Variants in NASP observed in about 807,000 individuals in gnomAD.
NASP encodes NASP histone chaperone.
A neutral mutation model predicts 89.5 loss-of-function variants in NASP; 24 were observed. The observed-to-expected ratio is 0.27, with a 90% CI of 0.19 to 0.38. NASP has a LOEUF of 0.38. NASP is among the 10% of genes least tolerant of loss of function. NASP has a pLI of 1.00. For synonymous variants in NASP, 306 were observed against 324.7 expected, an observed-to-expected ratio of 0.94 and a Z score of 0.62; for missense variants, 848 against 921.4, an observed-to-expected ratio of 0.92 and a Z score of 1.03.
rs141079451 is a variant in NASP at position 45,615,811 on chromosome 1, C to T, written c.2022+340C>T. 1.1e-3 allele frequency: 263 copies of T among 234,156 alleles called. 6 individuals are homozygous for T. In the East Asian group the frequency reaches 0.022, roughly 20 times the overall value. 14.5% of individuals were successfully genotyped at this position (234,156 alleles called of 1,614,324 possible). On this transcript the variant is annotated intron_variant, in intron 11 of 14. Transcript: ENST00000350030. ...TGGATTTTGGAATATTTGCATCATA[C>T]TCAACAGTTGGATACCCTTAATCTA...
At chr1:45,614,029 T>C in intron 7 of NASP, 67 bp from the exon 8 acceptor site, 1 of 1,293,714 alleles carries the variant, frequency 7.7e-7, no homozygotes, top group Non-Finnish European at 1.1e-6. Context: ...TAAGCTACGC[T>C]AAGTTATACA....
chr1:45,589,824 C>T (rs1213045206), intron 1 of NASP, among the ~76,000 whole-genome samples: 1 of 151,912 alleles, frequency 6.6e-6, no homozygotes, highest in African/African-American at 2.4e-5. Flanking sequence ...TGGCTTGAAC[C>T]CAGAAGGCAG....
intron 2 of NASP, among the ~76,000 whole-genome samples, chr1:45,597,591 G>C (rs1351283059): frequency 6.6e-6 from 1 of 152,024 alleles, no homozygotes; most frequent in Non-Finnish European, 1.5e-5. Context: ...TTCAAAGAAA[G>C]TCATGTTATT....
At chr1:45,591,381 G>A (rs1366287654) in intron 2 of NASP, 111 bp downstream of exon 2, 1 of 754,902 alleles carries the variant, frequency 1.3e-6, no homozygotes, top group South Asian at 1.9e-5. Context: ...TAGAGGCAAG[G>A]TGTCGCTTTG....
At position 45,614,176 on chromosome 1, in the gene NASP, T is replaced by A; in HGVS notation, c.1587T>A (p.Phe529Leu). Residue 529 changes from phenylalanine to leucine, a missense_variant, in exon 8 of 15, where the codon TTT (phenylalanine) becomes TTA (leucine). Coordinates refer to ENST00000350030, the MANE Select transcript of NASP (RefSeq NM_002482.4). ...WDMLDLAKIIFKRQETKEAQL... is the reference protein window; with the variant it reads ...WDMLDLAKIILKRQETKEAQL... ...TGCTGGATTTAGCAAAGATCATTTT[T>A]AAAAGGTAAAACTCTTGGTGCTTCT... The A allele has an allele frequency of 6.2e-7, 1 of 1,611,272 alleles. No homozygotes were observed. Among genetic ancestry groups the A allele is most frequent in the Non-Finnish European group, 8.5e-7 (1 of 1,177,370 alleles).
At chr1:45,600,609 G>A (rs1183185772) in intron 2 of NASP, among the ~76,000 whole-genome samples, 1 of 152,074 alleles carries the variant, frequency 6.6e-6, no homozygotes, top group Non-Finnish European at 1.5e-5. Context: ...ATCCATTTGG[G>A]TTTCCAGTTT....
intron 11 of NASP, chr1:45,615,740 T>C: frequency 2.6e-6 from 1 of 381,914 alleles, no homozygotes; most frequent in Non-Finnish European, 4.7e-6. Flanking sequence ...TGAGTATCCT[T>C]ACCTGAATGC....
rs999522698 is a variant in NASP at position 45,618,219 on chromosome 1, G to A, written c.*78G>A. On this transcript the variant is annotated 3_prime_UTR_variant, in exon 15 of 15. Coordinates refer to ENST00000350030, the MANE Select transcript of NASP (RefSeq NM_002482.4). ...TTTTCACTTTTGGAGGATTCTTTTT[G>A]TATAACTTCAATAAAGATTGTAAGC... 25 of 1,166,970 alleles carry A rather than the reference G, an allele frequency of 2.1e-5. No homozygotes were observed. Among genetic ancestry groups the A allele is most frequent in the South Asian group, 5.5e-5 (4 of 72,932 alleles). 72.3% of individuals were successfully genotyped at this position (1,166,970 alleles called of 1,614,324 possible). A position where few individuals can be genotyped will look rare whatever the true frequency, so the allele number is the denominator to read the frequency against.
chr1:45,611,863 T>TTC (rs1175695458), intron 6 of NASP: 14 of 142,794 alleles, frequency 9.8e-5, no homozygotes, highest in African/African-American at 3.7e-4. Context: ...ATCTTTTTTT[T>TTC]TTTTTTTTTT....
chr1:45,615,491 T>C lies in NASP; in HGVS notation c.2022+20T>C, dbSNP rs1325674452. 5 of 1,596,152 alleles carry C rather than the reference T, an allele frequency of 3.1e-6. No homozygotes were observed. The South Asian group carries it at 5.7e-5, about 18-fold the overall frequency. On this transcript the variant is annotated intron_variant, in intron 11 of 14. Coordinates refer to ENST00000350030, the MANE Select transcript of NASP (RefSeq NM_002482.4). ...ACTCTGGTTGGTTCCGTTAACATTT[T>C]GATAATAGCATGTTTGGTACCATTT...
chr1:45,590,272 C>T (rs887903734), intron 1 of NASP, among the ~76,000 whole-genome samples: 7 of 152,102 alleles, frequency 4.6e-5, no homozygotes, highest in South Asian at 2.1e-4. Flanking sequence ...CGGCCGGGCG[C>T]GGTGGCTCAC....
chr1:45,588,578 T>C (rs1644590944), intron 1 of NASP: 1 of 443,936 alleles, frequency 2.3e-6, no homozygotes, highest in Non-Finnish European at 4.5e-6. Context: ...GTACAATTTC[T>C]CCTTAACCCT....
Position 45,607,866 on chromosome 1 carries a change from G to A in NASP, c.955G>A (p.Val319Ile). The change falls in exon 6 of 15, where the codon GTT becomes ATT. Residue 319 changes from valine to isoleucine, a missense_variant. Physicochemically the swap from Val to Ile is conservative, Grantham distance 29. This residue lies in a region of NASP where 464 missense variants were observed against 469.4 expected (regional missense o/e 0.99). Transcript: ENST00000350030. The part of the protein sequence containing the change: ...VGGDEPEEKV[V>I]TSENEAGKAV... ...TGGGGACGAGCCAGAGGAGAAGGTA[G>A]TTACCTCTGAAAACGAGGCAGGAAA... The A allele has an allele frequency of 1.9e-6, 3 of 1,614,140 alleles. No homozygotes were observed. The highest frequency in any genetic ancestry group is 2.5e-6 in the Non-Finnish European group (3 of 1,180,018).
chr1:45,617,500 C>T lies in NASP; in HGVS notation c.2195C>T (p.Ala732Val). 6.2e-7 allele frequency: 1 copy of T among 1,613,378 alleles called. No individual in the cohort carries two copies. Among genetic ancestry groups the T allele is most frequent in the Non-Finnish European group, 8.5e-7 (1 of 1,179,716 alleles). ...PEEESPRKDD[A>V]KKAKQEPEVN... ...GAAGAGAGTCCCCGGAAAGATGATG[C>T]AAAGAAAGCCAAACAAGAGCCGGAG... Residue 732 changes from alanine to valine, a missense_variant, in exon 14 of 15, where the codon GCA becomes GTA. Transcript: ENST00000350030.
At chr1:45,586,239 C>CGTGTGTGT (rs537983711) in intron 1 of NASP, among the ~76,000 whole-genome samples, 268 of 110,272 alleles carry the variant, frequency 2.4e-3, no homozygotes, top group Middle Eastern at 8.5e-3. Flanking sequence ...CCTACCGTGC[C>CGTGTGTGT]GTGTGTGTGT....
intron 2 of NASP, among the ~76,000 whole-genome samples, chr1:45,594,938 C>T (rs944183298): frequency 2.0e-5 from 3 of 152,032 alleles, no homozygotes; most frequent in East Asian, 3.9e-4. Context: ...GCAGTTATAC[C>T]GCATTTCTCC....
intron 1 of NASP, 43 bp downstream of exon 1, chr1:45,584,248 G>A: frequency 3.3e-6 from 5 of 1,536,846 alleles, no homozygotes; most frequent in Non-Finnish European, 4.4e-6. Context: ...GCCAGTCCGC[G>A]GGGAGGGCTA....
intron 2 of NASP, among the ~76,000 whole-genome samples, chr1:45,599,951 GTAT>G (rs1392383836): frequency 9.8e-6 from 1 of 101,944 alleles, no homozygotes; most frequent in African/African-American, 4.3e-5. Flanking sequence ...CTTTTCCTCT[GTAT>G]TTTTTTTTTT....
chr1:45,606,352 AC>A (rs1406351581), intron 4 of NASP, 129 bp from the exon 5 acceptor site: 1 of 612,036 alleles, frequency 1.6e-6, no homozygotes, highest in African/African-American at 1.9e-5. Context: ...CCTTGAATAT[AC>A]ATAGTTTTGT....
Sources: gnomAD v4.1 joint callset for allele counts (sites outside exome capture counted in the v4.1 genomes callset) on GRCh38, gnomAD v4.1.1 for gene constraint, gnomAD v4.1.1 regional missense constraint, MANE v1.5 for transcripts, NCBI Gene and HGNC (gene_info 2026-07-23, HGNC 2026-07-21) for gene names.